GPC5: variants seen among roughly 807,000 people sequenced by gnomAD.
GPC5 encodes the protein glypican-5.
Under a neutral mutation model 53.9 loss-of-function variants are expected in GPC5, and 47 were observed. The ratio of observed to expected loss-of-function variants is 0.87; its 90% CI spans 0.69 to 1.11. The LOEUF is 1.11. Among genes scored for constraint, GPC5 ranks in the 50% most tolerant of loss-of-function variants. The pLI is 0.00. For missense variants in GPC5, 748 were observed against 713.1 expected (o/e 1.05, Z -0.56); for synonymous variants, 286 against 263.3 (o/e 1.09, Z -0.84).
At chr13:92,304,981 G>A (rs1015373940) in intron 7 of GPC5, among the ~76,000 whole-genome samples, 1 of 151,974 alleles carries the variant, frequency 6.6e-6, no homozygotes, top group South Asian at 2.1e-4. Flanking sequence ...GATGAGATCG[G>A]GTGCGTTCAG....
At chr13:91,586,402 A>C (rs1178571470) in intron 2 of GPC5, among the ~76,000 whole-genome samples, 2 of 145,760 alleles carry the variant, frequency 1.4e-5, no homozygotes, top group Non-Finnish European at 3.0e-5. Context: ...TCATTTATAA[A>C]GAAAGAGCTT....
At chr13:91,724,867 G>C (rs2036544766) in intron 3 of GPC5, among the ~76,000 whole-genome samples, 1 of 152,024 alleles carries the variant, frequency 6.6e-6, no homozygotes, top group Non-Finnish European at 1.5e-5. Context: ...GAAAAAAAAA[G>C]AAAGAAAACA....
chr13:92,558,976 C>T (rs1216346699), intron 7 of GPC5, among the ~76,000 whole-genome samples: 1 of 151,804 alleles, frequency 6.6e-6, no homozygotes, highest in African/African-American at 2.4e-5. Flanking sequence ...AGGGAGCAAG[C>T]ATCAAAAAAC....
chr13:91,873,067 C>A (rs1427782475), intron 5 of GPC5, among the ~76,000 whole-genome samples: 3 of 152,078 alleles, frequency 2.0e-5, no homozygotes, highest in Non-Finnish European at 4.4e-5. Context: ...ATTATTGATT[C>A]ATTTAAAATG....
At chr13:92,699,678 G>C (rs529537969) in intron 7 of GPC5, among the ~76,000 whole-genome samples, 8 of 152,124 alleles carry the variant, frequency 5.3e-5, no homozygotes, top group Admixed American at 4.6e-4. Flanking sequence ...CCTTCATTTC[G>C]TTATTTTCCC....
chr13:91,724,415 T>G (rs1316343415), intron 3 of GPC5, among the ~76,000 whole-genome samples: 1 of 152,106 alleles, frequency 6.6e-6, no homozygotes, highest in East Asian at 1.9e-4. Flanking sequence ...TCTAACCCAG[T>G]GTGCTTAATA....
At chr13:91,710,811 G>C (rs1594462791) in intron 3 of GPC5, among the ~76,000 whole-genome samples, 2 of 152,056 alleles carry the variant, frequency 1.3e-5, no homozygotes, top group East Asian at 3.9e-4. Context: ...TTTTTTTGTA[G>C]TTCACTCATG....
chr13:92,576,262 T>A (rs559374913), intron 7 of GPC5, among the ~76,000 whole-genome samples: 175 of 152,342 alleles, frequency 1.1e-3, no homozygotes, highest in African/African-American at 4.1e-3. Context: ...CATGCAGTGA[T>A]CTGTTACTGC....
chr13:92,583,611 A>G (rs1883439306), intron 7 of GPC5, among the ~76,000 whole-genome samples: 1 of 152,178 alleles, frequency 6.6e-6, no homozygotes, highest in African/African-American at 2.4e-5. Flanking sequence ...AGACAGTTGT[A>G]AGGAAAGGGC....
At chr13:91,449,322 A>AT (rs954111257) in intron 2 of GPC5, among the ~76,000 whole-genome samples, 1 of 151,930 alleles carries the variant, frequency 6.6e-6, no homozygotes. Context: ...TCTACTAAAA[A>AT]TTTTTTTTGG....
intron 7 of GPC5, among the ~76,000 whole-genome samples, chr13:92,381,897 A>T (rs1357781066): frequency 9.9e-6 from 1 of 101,336 alleles, no homozygotes; most frequent in Non-Finnish European, 2.0e-5. Context: ...TATTATATAT[A>T]ATCATATATA....
In GPC5 at chr13:92,053,368, G is replaced by A. The variant is rs530064894; in HGVS notation, c.1402-91462G>A. On this transcript the variant is annotated intron_variant, in intron 6 of 7. Coordinates refer to ENST00000377067, the MANE Select transcript of GPC5 (RefSeq NM_004466.6). ...TGTCTGTGCTCTTCACCTTTCGTCT[G>A]CTGTTTCTAGTCAGCAGAGGGTCTG... 4.6e-5 allele frequency among the ~76,000 whole-genome samples: 7 copies of A among 152,280 alleles called. No individual in the cohort carries two copies. In the East Asian group the frequency reaches 1.4e-3, roughly 30 times the overall value.
rs777556438 is a variant in GPC5, at chr13:92,211,056, CAG to C, written c.1561+66070_1561+66071del. On this transcript the variant is annotated intron_variant, in intron 7 of 7. Transcript: ENST00000377067. ...TTATTTTATTTTGAATTGGATTTTCCAGAGTCGTGTTTACTGCCTTGGATAAA... is the reference window on the plus strand; with the variant it reads ...TTATTTTATTTTGAATTGGATTTTCCAGTCGTGTTTACTGCCTTGGATAAA... Among the ~76,000 whole-genome samples the C allele has an allele frequency of 5.9e-5, 9 of 152,108 alleles. No homozygotes were observed. The East Asian group carries it at 1.7e-3, about 29-fold the overall frequency.
intron 7 of GPC5, among the ~76,000 whole-genome samples, chr13:92,151,364 A>G (rs748665277): frequency 2.0e-4 from 30 of 152,146 alleles, no homozygotes; most frequent in Non-Finnish European, 4.0e-4. Flanking sequence ...TCCTTGGTCC[A>G]TAGGACCACA....
At chr13:92,484,673 A>G (rs1333644550) in intron 7 of GPC5, 1 of 152,196 alleles carries the variant, frequency 6.6e-6, no homozygotes, top group Non-Finnish European at 1.5e-5. Context: ...TTAGAAGGAC[A>G]GACAACATGT....
chr13:92,806,419 T>C (rs2138793026), intron 7 of GPC5, among the ~76,000 whole-genome samples: 1 of 152,184 alleles, frequency 6.6e-6, no homozygotes, highest in Non-Finnish European at 1.5e-5. Context: ...GTGTATTCAC[T>C]GGAGTAGCAC....
At chr13:91,951,793 C>A (rs2040028115) in intron 6 of GPC5, among the ~76,000 whole-genome samples, 1 of 152,002 alleles carries the variant, frequency 6.6e-6, no homozygotes, top group Non-Finnish European at 1.5e-5. Context: ...AAAAGTAATT[C>A]CGTTTTGGTC....
chr13:91,825,254 C>T (rs539368746), intron 5 of GPC5, among the ~76,000 whole-genome samples: 1 of 152,110 alleles, frequency 6.6e-6, no homozygotes, highest in Non-Finnish European at 1.5e-5. Context: ...ACTTTTTGAA[C>T]TTGCCCAAGC....
At chr13:91,622,137 C>T (rs2139370991) in intron 2 of GPC5, among the ~76,000 whole-genome samples, 1 of 152,148 alleles carries the variant, frequency 6.6e-6, no homozygotes, top group Non-Finnish European at 1.5e-5. Flanking sequence ...ATGGTGCTTA[C>T]CCAGATTGAG....
Sources: allele counts gnomAD v4.1 joint callset (sites outside exome capture counted in the v4.1 genomes callset), GRCh38; gene constraint gnomAD v4.1.1; transcripts MANE v1.5; gene names NCBI Gene and HGNC (gene_info 2026-07-23, HGNC 2026-07-21).